TBCD: variants seen among roughly 807,000 people sequenced by gnomAD.
The protein encoded by TBCD is tubulin-specific chaperone D.
Under a neutral mutation model 169.3 loss-of-function variants are expected in TBCD, and 105 were observed. The observed-to-expected ratio is 0.62, with a 90% CI of 0.53 to 0.73. The LOEUF is 0.73. TBCD is among the 30% of genes least tolerant of loss of function. The pLI is 0.00. For synonymous variants in TBCD, 700 were observed against 643.9 expected, an observed-to-expected ratio of 1.09 and a Z score of -1.32; for missense variants, 1,444 against 1,600.1, an observed-to-expected ratio of 0.90 and a Z score of 1.66.
At chr17:82,916,916 A>T (rs1476367363) in intron 23 of TBCD, among the ~76,000 whole-genome samples, 1 of 148,314 alleles carries the variant, frequency 6.7e-6, no homozygotes, top group Non-Finnish European at 1.5e-5. Flanking sequence ...TGGGACTCTT[A>T]TTACCCACGT....
At chr17:82,911,617 G>A (rs1484358039) in intron 22 of TBCD, 141 bp from the exon 23 acceptor site, 3 of 771,818 alleles carry the variant, frequency 3.9e-6, no homozygotes, top group East Asian at 2.7e-5. Flanking sequence ...TTTCATAAAA[G>A]GTTGCTCATG....
In TBCD at chr17:82,806,385, A is replaced by C. The variant is rs1321404227; in HGVS notation, c.1087+374A>C. ...TAAACCCTGCTCAGTTCCTTACCTC[A>C]GGAGCCATTTCAAACTCCCTTAAAC... is the stretch of plus-strand genomic sequence containing the variant. On this transcript the variant is annotated intron_variant, in intron 10 of 38. Transcript: ENST00000355528. The surrounding 1 kb of genome is among the most constrained non-coding windows in gnomAD (Gnocchi z 5.1). 6.6e-6 allele frequency among the ~76,000 whole-genome samples: 1 copy of C among 151,944 alleles called. No homozygotes were observed. Among genetic ancestry groups the C allele is most frequent in the Non-Finnish European group, 1.5e-5 (1 of 67,966 alleles).
At chr17:82,895,279 T>G (rs8075894) in intron 17 of TBCD, among the ~76,000 whole-genome samples, 76,517 of 152,116 alleles carry the variant, frequency 0.5, 20,115 homozygotes, top group African/African-American at 0.66. Context: ...CACGGGGACC[T>G]GCAGTCATGG....
chr17:82,852,662 G>C (rs1169532011), intron 13 of TBCD, among the ~76,000 whole-genome samples: 1 of 152,216 alleles, frequency 6.6e-6, no homozygotes, highest in Non-Finnish European at 1.5e-5. Context: ...CACATCTCCA[G>C]ATACAGGCAC....
chr17:82,938,947 G>GTGCT (rs1568104088), intron 36 of TBCD: 21 of 123,744 alleles, frequency 1.7e-4, no homozygotes, highest in Non-Finnish European at 1.6e-5. Context: ...GCAGGTGAGA[G>GTGCT]TGCTTCTCTG....
At chr17:82,866,892 C>T (rs901559788) in intron 13 of TBCD, among the ~76,000 whole-genome samples, 3 of 152,342 alleles carry the variant, frequency 2.0e-5, no homozygotes, top group South Asian at 2.1e-4. Flanking sequence ...CAGAGGAGTG[C>T]GCCAGGTGGG....
intron 36 of TBCD, among the ~76,000 whole-genome samples, chr17:82,938,757 G>T (rs974124801): frequency 6.9e-6 from 1 of 144,760 alleles, no homozygotes; most frequent in African/African-American, 2.5e-5. Context: ...AGGCGAGATT[G>T]CTTCCCTGAT....
chr17:82,814,256 T>A (rs2051683153), intron 12 of TBCD, among the ~76,000 whole-genome samples: 1 of 152,248 alleles, frequency 6.6e-6, no homozygotes, highest in African/African-American at 2.4e-5. Context: ...CGTCTTCCTG[T>A]GCTGGGATTC....
chr17:82,852,191 G>T (rs888465883), intron 13 of TBCD, among the ~76,000 whole-genome samples: 1 of 144,428 alleles, frequency 6.9e-6, no homozygotes, highest in African/African-American at 2.6e-5. Flanking sequence ...TGGGTTCTCT[G>T]TGTCTACCCA....
At chr17:82,907,421 G>A (rs755771265) in intron 20 of TBCD, among the ~76,000 whole-genome samples, 19 of 152,244 alleles carry the variant, frequency 1.2e-4, no homozygotes, top group South Asian at 2.1e-4. Flanking sequence ...AGTGGCTCAC[G>A]CCTGTAATCC....
rs770119863 is a variant in TBCD, at chr17:82,814,928, G to A, written c.1312G>A (p.Val438Met). 1.2e-5 allele frequency: 20 copies of A among 1,611,614 alleles called. No individual in the cohort carries two copies. The South Asian group carries it at 1.5e-4, about 12-fold the overall frequency. Residue 438 changes from valine (V) to methionine (M), a missense_variant, in exon 13 of 39, where the codon GTG becomes ATG. Coordinates refer to ENST00000355528, the MANE Select transcript of TBCD (RefSeq NM_005993.5). The stretch of plus-strand genomic sequence containing the variant: ...AGGCCTGTTGCTGCCGTCTCGACTC[G>A]TGGATGGTGAGTAGCTGAGGCACGG... ...RRGLLLPSRL[V>M]DVVAVILKAL...
intron 34 of TBCD, among the ~76,000 whole-genome samples, chr17:82,933,623 TTTTG>T (rs1021547437): frequency 1.3e-4 from 19 of 151,638 alleles, no homozygotes; most frequent in Admixed American, 9.8e-4. Context: ...ACTGCTTTTT[TTTTG>T]TTTGTTTTGA....
At chr17:82,919,235 T>C (rs9909499) in intron 23 of TBCD, among the ~76,000 whole-genome samples, 39,945 of 152,132 alleles carry the variant, frequency 0.26, 5,667 homozygotes, top group East Asian at 0.49. Flanking sequence ...TGGGTTTTTC[T>C]AACTTGTGGT....
intron 17 of TBCD, among the ~76,000 whole-genome samples, chr17:82,895,602 G>T (rs551079188): frequency 1.5e-4 from 23 of 152,260 alleles, no homozygotes; most frequent in African/African-American, 5.3e-4. Flanking sequence ...TTGGGAGACG[G>T]GAGAGGGCTG....
At chr17:82,781,742 C>T in intron 7 of TBCD, 21 bp downstream of exon 7, 1 of 1,609,592 alleles carries the variant, frequency 6.2e-7, no homozygotes, top group Middle Eastern at 1.7e-4. Flanking sequence ...CCCGCAGGGG[C>T]TGTGGAGATC....
intron 2 of TBCD, 36 bp from the exon 3 acceptor site, chr17:82,763,929 A>G (rs375743461): frequency 1.3e-6 from 2 of 1,578,622 alleles, no homozygotes; most frequent in East Asian, 2.2e-5. Flanking sequence ...GTTGATGTTC[A>G]CTTTTACAGT....
chr17:82,831,899 T>C lies in TBCD; in HGVS notation c.1318+16965T>C. Reference sequence around the variant, plus strand: ...AAAGACACGGCCTTGGCAGTGGGGTTGTGTAAAGCCAGTGTCTCGGGCGCC... The same window carrying C: ...AAAGACACGGCCTTGGCAGTGGGGTCGTGTAAAGCCAGTGTCTCGGGCGCC... On this transcript the variant is annotated intron_variant, in intron 13 of 38. Transcript: ENST00000355528. This position sits in a 1 kb window ranked among gnomAD's most constrained non-coding sequence, Gnocchi z 4.6. The C allele has an allele frequency of 6.2e-7, 1 of 1,614,126 alleles. No individual in the cohort carries two copies. Among genetic ancestry groups the C allele is most frequent in the Non-Finnish European group, 8.5e-7 (1 of 1,180,016 alleles).
intron 15 of TBCD, among the ~76,000 whole-genome samples, chr17:82,887,166 T>TGCGCGCGC (rs1164086857): frequency 3.7e-5 from 4 of 109,040 alleles, no homozygotes; most frequent in Non-Finnish European, 6.0e-5. Flanking sequence ...TGTGTGTGTG[T>TGCGCGCGC]GTGCGCGCGC....
intron 38 of TBCD, chr17:82,942,041 A>T: frequency 3.4e-6 from 1 of 297,504 alleles, no homozygotes; most frequent in Non-Finnish European, 6.2e-6. Flanking sequence ...AGGGAGGAGG[A>T]GAACCATGTC....
Sources: allele counts gnomAD v4.1 joint callset (sites outside exome capture counted in the v4.1 genomes callset), GRCh38; gene constraint gnomAD v4.1.1; non-coding constraint Gnocchi (gnomAD v3.1); transcripts MANE v1.5; gene names NCBI Gene and HGNC (gene_info 2026-07-23, HGNC 2026-07-21).